The following BATF variants were observed in gnomAD, a reference collection of about 807,000 sequenced individuals.
The protein encoded by BATF is basic leucine zipper transcriptional factor ATF-like.
BATF carries 5 observed loss-of-function variants against 13.7 expected under a neutral mutation model. That is an observed-to-expected ratio of 0.36 (90% confidence interval 0.19 to 0.77). The LOEUF is 0.77. Among genes scored for constraint, BATF ranks in the 30% least tolerant of loss-of-function variants. The probability of loss-of-function intolerance (pLI) is 0.51; values close to 1 mark genes in which losing one functional copy is unlikely to be tolerated. For synonymous variants in BATF, 72 were observed against 67.5 expected (o/e 1.07, Z -0.33); for missense variants, 124 against 163.0 (o/e 0.76, Z 1.30).
At position 75,531,990 on chromosome 14, in the gene BATF, T is replaced by C. The variant is rs151295215; in HGVS notation, c.168+6802T>C. ...AAGAGATGCGACCCTTCTGTCTCCATTGCTATGAATTTCTTTTAAGAAAAA... is the reference window on the plus strand; with the variant it reads ...AAGAGATGCGACCCTTCTGTCTCCACTGCTATGAATTTCTTTTAAGAAAAA... On this transcript the variant is annotated intron_variant, in intron 2 of 2. Coordinates refer to ENST00000286639, the MANE Select transcript of BATF (RefSeq NM_006399.5). Among the ~76,000 whole-genome samples the C allele has an allele frequency of 1.1e-4, 16 of 152,334 alleles. No homozygotes were observed. The East Asian group carries it at 2.9e-3, about 28-fold the overall frequency.
chr14:75,541,731 T>G (rs933595995), intron 2 of BATF, among the ~76,000 whole-genome samples: 3 of 152,236 alleles, frequency 2.0e-5, no homozygotes, highest in South Asian at 2.1e-4. Flanking sequence ...TGGTAAAATC[T>G]TGGCTCACTG....
chr14:75,525,797 G>A (rs1035852006), intron 2 of BATF, among the ~76,000 whole-genome samples: 4 of 149,640 alleles, frequency 2.7e-5, no homozygotes, highest in Non-Finnish European at 5.9e-5. Context: ...AATTTAGAAG[G>A]TATCAAGTGC....
chr14:75,546,290 A>G (rs1887984640), intron 2 of BATF, among the ~76,000 whole-genome samples, 172 bp from the exon 3 acceptor site: 1 of 152,088 alleles, frequency 6.6e-6, no homozygotes, highest in Non-Finnish European at 1.5e-5. Context: ...CACACCTACA[A>G]ACATATATAC....
At chr14:75,524,945 GTAAA>G in intron 1 of BATF, 135 bp from the exon 2 acceptor site, 1 of 664,490 alleles carries the variant, frequency 1.5e-6, no homozygotes, top group Non-Finnish European at 2.5e-6. Flanking sequence ...CAGGCTTTTG[GTAAA>G]TAGAGGGATG....
chr14:75,546,577 T>C lies in BATF; in HGVS notation c.284T>C (p.Val95Ala). Residue 95 changes from valine (V) to alanine (A), a missense_variant, in exon 3 of 3, where the codon GTG (valine) becomes GCG (alanine). Val to Ala is a moderately conservative substitution (Grantham distance 64, BLOSUM62 0). Around this residue, in one of 2 missense-constraint regions of BATF, gnomAD observed 59 missense variants for 49.7 expected, o/e 1.19. Coordinates refer to ENST00000286639, the MANE Select transcript of BATF (RefSeq NM_006399.5). ...VLNSHEPLCS[V>A]LAASTPSPPE... ...AACAGCCACGAGCCCCTGTGCTCGG[T>C]GCTGGCCGCCAGCACGCCCTCGCCC... The C allele has an allele frequency of 6.2e-7, 1 of 1,614,106 alleles. No homozygotes were observed. Among genetic ancestry groups the C allele is most frequent in the Admixed American group, 1.7e-5 (1 of 60,026 alleles).
At chr14:75,531,500 G>A (rs1887732760) in intron 2 of BATF, among the ~76,000 whole-genome samples, 1 of 152,214 alleles carries the variant, frequency 6.6e-6, no homozygotes, top group Non-Finnish European at 1.5e-5. Flanking sequence ...AAGCAAGTGA[G>A]AGTAACAGCC....
At chr14:75,539,304 T>G (rs1032237487) in intron 2 of BATF, among the ~76,000 whole-genome samples, 2 of 152,176 alleles carry the variant, frequency 1.3e-5, no homozygotes, top group African/African-American at 2.4e-5. Context: ...TGTGCCTTTT[T>G]GGTAGGAAGG....
intron 2 of BATF, among the ~76,000 whole-genome samples, chr14:75,541,747 TCTGCCTCCCAGGTTCAAGTGATTCTC>T (rs1476284071): frequency 6.6e-6 from 1 of 152,218 alleles, no homozygotes; most frequent in Non-Finnish European, 1.5e-5. Flanking sequence ...CACTGCAACT[TCTGCCTCCCAGGTTCAAGTGATTCTC>T]CTGCCTCAGC....
At chr14:75,523,417 T>G (rs1453057905) in intron 1 of BATF, among the ~76,000 whole-genome samples, 6 of 152,070 alleles carry the variant, frequency 3.9e-5, no homozygotes, top group African/African-American at 1.4e-4. Flanking sequence ...CTCTGGAAAT[T>G]TGTTGGAAGA....
At chr14:75,541,263 G>T (rs953626138) in intron 2 of BATF, among the ~76,000 whole-genome samples, 1 of 152,320 alleles carries the variant, frequency 6.6e-6, no homozygotes, top group East Asian at 1.9e-4. Flanking sequence ...CCAGTGTGTG[G>T]ATGAGGTTGA....
chr14:75,539,254 C>G (rs1056713794), intron 2 of BATF, among the ~76,000 whole-genome samples: 1 of 152,082 alleles, frequency 6.6e-6, no homozygotes, highest in African/African-American at 2.4e-5. Context: ...CGGCATCAGT[C>G]TATGTTGAAG....
chr14:75,533,341 C>T (rs373652267), intron 2 of BATF, among the ~76,000 whole-genome samples: 2 of 150,092 alleles, frequency 1.3e-5, no homozygotes, highest in South Asian at 2.1e-4. Flanking sequence ...GGCAGGAGAA[C>T]GGCATGAACC....
At chr14:75,537,579 G>A (rs1009258477) in intron 2 of BATF, among the ~76,000 whole-genome samples, 22 of 152,154 alleles carry the variant, frequency 1.4e-4, no homozygotes, top group African/African-American at 5.1e-4. Context: ...GTAAGGAAAC[G>A]AAACGGTTAA....
At chr14:75,546,111 C>T (rs915073584) in intron 2 of BATF, among the ~76,000 whole-genome samples, 3 of 152,160 alleles carry the variant, frequency 2.0e-5, no homozygotes, top group Non-Finnish European at 4.4e-5. Context: ...ATCCGCCCGC[C>T]TCGGCCTCCT....
At chr14:75,528,264 A>G (rs980157422) in intron 2 of BATF, among the ~76,000 whole-genome samples, 5 of 152,236 alleles carry the variant, frequency 3.3e-5, no homozygotes, top group Admixed American at 6.5e-5. Context: ...CATTCCTATT[A>G]GGGTTCTAGC....
At chr14:75,528,477 C>G (rs772026538) in intron 2 of BATF, among the ~76,000 whole-genome samples, 3 of 152,190 alleles carry the variant, frequency 2.0e-5, no homozygotes, top group Non-Finnish European at 4.4e-5. Context: ...GAGAGAGCCT[C>G]TTTTTATGAT....
intron 2 of BATF, among the ~76,000 whole-genome samples, chr14:75,540,635 C>A (rs567376259): frequency 1.8e-4 from 27 of 152,354 alleles, no homozygotes; most frequent in African/African-American, 6.5e-4. Flanking sequence ...GCTGCGTGAT[C>A]TTGAGCCAGT....
intron 1 of BATF, 117 bp from the exon 2 acceptor site, chr14:75,524,967 C>T: frequency 3.7e-6 from 3 of 810,628 alleles, no homozygotes; most frequent in Non-Finnish European, 6.0e-6. Flanking sequence ...ATGGAGGGTT[C>T]ATGCAGAGAC....
chr14:75,546,393 C>A, intron 2 of BATF, 69 bp from the exon 3 acceptor site: 1 of 1,536,282 alleles, frequency 6.5e-7, no homozygotes, highest in Non-Finnish European at 8.9e-7. Flanking sequence ...CTCCTGTGTC[C>A]CTCCGCACCC....
Sources: allele counts gnomAD v4.1 joint callset (sites outside exome capture counted in the v4.1 genomes callset), GRCh38; gene constraint gnomAD v4.1.1; regional missense constraint gnomAD v4.1.1; transcripts MANE v1.5; gene names NCBI Gene and HGNC (gene_info 2026-07-23, HGNC 2026-07-21).